CFAP221: variants seen among roughly 807,000 people sequenced by gnomAD.
CFAP221 encodes the protein cilia- and flagella-associated protein 221.
A neutral mutation model predicts 113.1 loss-of-function variants in CFAP221; 97 were observed. The ratio of observed to expected loss-of-function variants is 0.86; its 90% CI spans 0.73 to 1.02. The LOEUF (loss-of-function observed/expected upper bound fraction) is 1.02, where lower values mean the gene tolerates loss of function less well. CFAP221 is among the 50% of genes least tolerant of loss of function. The probability of loss-of-function intolerance (pLI) is 0.00; values close to 1 mark genes in which losing one functional copy is unlikely to be tolerated. For missense variants in CFAP221, 1,025 were observed against 1,013.4 expected (o/e 1.01, Z -0.16); for synonymous variants, 331 against 354.4 (o/e 0.93, Z 0.74).
At position 119,601,377 on chromosome 2, in the gene CFAP221, CG is replaced by C; in HGVS notation, c.791+1del. Reference sequence around the variant, plus strand: ...ACATGCTATCCCAACATGGCCTTACCGTATGGCGTCTTTGCAGTGTTTTTGT... The same window carrying C: ...ACATGCTATCCCAACATGGCCTTACCTATGGCGTCTTTGCAGTGTTTTTGT... On this transcript the variant is annotated splice_donor_variant, in intron 8 of 23. Coordinates refer to ENST00000413369, the MANE Select transcript of CFAP221 (RefSeq NM_001271049.2). LOFTEE classifies it high-confidence loss of function. 1 of 1,507,308 alleles carries C rather than the reference CG, an allele frequency of 6.6e-7. No homozygotes were observed. Among genetic ancestry groups the C allele is most frequent in the South Asian group, 1.2e-5 (1 of 80,840 alleles). The allele number at this position is 1,507,308 out of a possible 1,614,324, so 93.4% of individuals were successfully genotyped here. A position where few individuals can be genotyped will look rare whatever the true frequency, so the allele number is the denominator to read the frequency against.
intron 11 of CFAP221, among the ~76,000 whole-genome samples, chr2:119,606,378 C>T (rs554551005): frequency 6.6e-6 from 1 of 152,062 alleles, no homozygotes; most frequent in Non-Finnish European, 1.5e-5. Flanking sequence ...AGCCTCCACC[C>T]TTCCCGACAC....
At chr2:119,646,879 A>C in intron 21 of CFAP221, 79 bp from the exon 22 acceptor site, 1 of 1,311,288 alleles carries the variant, frequency 7.6e-7, no homozygotes, top group Non-Finnish European at 1.1e-6. Context: ...TAAAATAAAA[A>C]TTCTTTAGAA....
intron 13 of CFAP221, 46 bp downstream of exon 13, chr2:119,611,788 T>C (rs1685185648): frequency 7.2e-7 from 1 of 1,392,806 alleles, no homozygotes; most frequent in Admixed American, 1.9e-5. Context: ...GGCAGCTCTT[T>C]AAATGCTTAT....
At chr2:119,618,391 C>T (rs1392102378) in intron 14 of CFAP221, among the ~76,000 whole-genome samples, 1 of 152,178 alleles carries the variant, frequency 6.6e-6, no homozygotes, top group Non-Finnish European at 1.5e-5. Flanking sequence ...GATACTTGGC[C>T]CATCTCACTG....
chr2:119,567,277 C>A (rs572042168), intron 6 of CFAP221, among the ~76,000 whole-genome samples: 1 of 151,860 alleles, frequency 6.6e-6, no homozygotes, highest in Non-Finnish European at 1.5e-5. Flanking sequence ...CTATTCATTC[C>A]TCCTCCAACC....
intron 7 of CFAP221, among the ~76,000 whole-genome samples, chr2:119,588,518 A>G (rs528235998): frequency 6.6e-6 from 1 of 152,342 alleles, no homozygotes; most frequent in South Asian, 2.1e-4. Context: ...ATTCAAAATC[A>G]GGGTACTATA....
intron 16 of CFAP221, among the ~76,000 whole-genome samples, chr2:119,628,331 G>GTGTGTGTGTA (rs1235550633): frequency 6.6e-6 from 1 of 151,738 alleles, no homozygotes; most frequent in East Asian, 1.9e-4. Context: ...GTGTGTGTGT[G>GTGTGTGTGTA]TGTATCTTTC....
intron 3 of CFAP221, among the ~76,000 whole-genome samples, chr2:119,555,158 G>A (rs1428902635): frequency 6.6e-6 from 1 of 152,128 alleles, no homozygotes; most frequent in African/African-American, 2.4e-5. Flanking sequence ...TGTGGTTGAT[G>A]GTTTTTGTGG....
At chr2:119,571,763 A>G (rs1340586245) in intron 6 of CFAP221, among the ~76,000 whole-genome samples, 1 of 152,222 alleles carries the variant, frequency 6.6e-6, no homozygotes, top group African/African-American at 2.4e-5. Flanking sequence ...CAGCCTAACA[A>G]CTACTTCACA....
rs555527122 is a variant in CFAP221 at position 119,607,700 on chromosome 2, A to G, written c.1134-802A>G. 5.9e-5 allele frequency among the ~76,000 whole-genome samples: 9 copies of G among 152,268 alleles called. No homozygotes were observed. The South Asian group carries it at 1.5e-3, about 25-fold the overall frequency. On this transcript the variant is annotated intron_variant, in intron 11 of 23. Coordinates refer to ENST00000413369, the MANE Select transcript of CFAP221 (RefSeq NM_001271049.2). ...CCCCCTGGAGCCCCTGGCAACCACA[A>G]TCTACTTTCAGTCTCTATGGATTTG...
chr2:119,635,380 A>G (rs1687049728), intron 19 of CFAP221, among the ~76,000 whole-genome samples: 1 of 152,202 alleles, frequency 6.6e-6, no homozygotes, highest in African/African-American at 2.4e-5. Context: ...ATGTTCCCAA[A>G]CATATAAATC....
intron 12 of CFAP221, among the ~76,000 whole-genome samples, chr2:119,610,326 C>T (rs1026457256): frequency 6.6e-6 from 1 of 152,044 alleles, no homozygotes; most frequent in Admixed American, 6.6e-5. Context: ...TGGCAGGTGA[C>T]CCAGTGGCAC....
chr2:119,630,785 A>G lies in CFAP221; in HGVS notation c.1858A>G (p.Thr620Ala), dbSNP rs760414793. The change falls in exon 19 of 24, where the codon ACA becomes GCA. Residue 620 changes from threonine to alanine, a missense_variant. Thr to Ala is a moderately conservative substitution (Grantham distance 58). Coordinates refer to ENST00000413369, the MANE Select transcript of CFAP221 (RefSeq NM_001271049.2). ...QGAEDEVTTI[T>A]ALPKQDSTTQ... is the part of the protein sequence containing the mutation. ...TTGTTAGGATGAAGTCACCACCATC[A>G]CAGCCCTTCCGAAACAGGACTCCAC... The G allele has an allele frequency of 1.7e-5, 28 of 1,612,056 alleles. No individual in the cohort carries two copies. In the South Asian group the frequency reaches 2.7e-4, roughly 16 times the overall value.
At chr2:119,584,413 C>G (rs1683059902) in intron 6 of CFAP221, among the ~76,000 whole-genome samples, 1 of 151,840 alleles carries the variant, frequency 6.6e-6, no homozygotes, top group Admixed American at 6.6e-5. Context: ...ATAGTGGGAA[C>G]TCATCTCTAC....
chr2:119,620,300 A>G (rs1685815409), intron 14 of CFAP221, among the ~76,000 whole-genome samples: 1 of 152,196 alleles, frequency 6.6e-6, no homozygotes, highest in Non-Finnish European at 1.5e-5. Context: ...CAGATTCACC[A>G]AGGTTGAAAT....
At chr2:119,578,627 G>C (rs897066635) in intron 6 of CFAP221, among the ~76,000 whole-genome samples, 6 of 152,178 alleles carry the variant, frequency 3.9e-5, no homozygotes, top group African/African-American at 1.2e-4. Context: ...ACATCTCTGT[G>C]TGAAGGCTTT....
chr2:119,619,679 T>C (rs895564690), intron 14 of CFAP221, among the ~76,000 whole-genome samples: 6 of 151,984 alleles, frequency 3.9e-5, no homozygotes, highest in Non-Finnish European at 2.9e-5. Context: ...GAATACCTCC[T>C]CTCCTCCAAA....
At chr2:119,631,538 G>T (rs1028223847) in intron 19 of CFAP221, among the ~76,000 whole-genome samples, 1 of 152,074 alleles carries the variant, frequency 6.6e-6, no homozygotes. Context: ...AGCCAAACGC[G>T]GTGGCACCTG....
chr2:119,658,280 C>T (rs970909860), downstream of CFAP221, among the ~76,000 whole-genome samples: 2 of 152,090 alleles, frequency 1.3e-5, no homozygotes, highest in Admixed American at 1.3e-4. Flanking sequence ...CCAACACTAC[C>T]GTTGTTTATT....
Sources: allele counts gnomAD v4.1 joint callset (sites outside exome capture counted in the v4.1 genomes callset), GRCh38; gene constraint gnomAD v4.1.1; transcripts MANE v1.5; gene names NCBI Gene and HGNC (gene_info 2026-07-23, HGNC 2026-07-21).